The following DRC9 variants were observed in gnomAD, a reference collection of about 807,000 sequenced individuals.
DRC9 encodes dynein regulatory complex subunit 9, also known as dynein regulatory complex protein 9.
At chr3:197,950,966 C>A in the DRC9 span, 1 of 1,613,970 alleles carries the variant, frequency 6.2e-7, no homozygotes, top group Non-Finnish European at 8.5e-7. Flanking sequence ...CTAAAAGGAA[C>A]TATGTCTGGA....
At chr3:197,907,587 GGTGT>G in the DRC9 span, among the ~76,000 whole-genome samples, 1 of 152,184 alleles carries the variant, frequency 6.6e-6, no homozygotes. Flanking sequence ...CCATTCTTTT[GGTGT>G]GTAAGTGATT....
At chr3:197,928,963 G>A in the DRC9 span, among the ~76,000 whole-genome samples, 1 of 152,212 alleles carries the variant, frequency 6.6e-6, no homozygotes, top group Admixed American at 6.5e-5. Flanking sequence ...TGGCAAAGGA[G>A]CAGGATGACC....
the DRC9 span, chr3:197,954,356 C>A: frequency 0.052 from 31,399 of 602,446 alleles, 1,024 homozygotes; most frequent in South Asian, 0.087. Flanking sequence ...TGGGGGGAGA[C>A]AGGGTCTCAC....
chr3:197,930,709 C>G, the DRC9 span, among the ~76,000 whole-genome samples: 2 of 144,894 alleles, frequency 1.4e-5, no homozygotes, highest in African/African-American at 5.2e-5. Flanking sequence ...CACTTTGGCC[C>G]GGGAGGCAGA....
chr3:197,957,810 GT>G, the DRC9 span: 1 of 152,370 alleles, frequency 6.6e-6, no homozygotes, highest in South Asian at 2.1e-4. Context: ...GATGTGATCA[GT>G]AGTACTCGGG....
chr3:197,943,919 T>G, the DRC9 span: 1 of 1,614,172 alleles, frequency 6.2e-7, no homozygotes, highest in Non-Finnish European at 8.5e-7. Flanking sequence ...CCGGGATTTC[T>G]GGGATGATTT....
At chr3:197,945,712 T>A in the DRC9 span, 1 of 905,604 alleles carries the variant, frequency 1.1e-6, no homozygotes, top group Non-Finnish European at 1.8e-6. Flanking sequence ...AACACTGAGA[T>A]TAGTTTATGG....
chr3:197,897,647 A>G, the DRC9 span, among the ~76,000 whole-genome samples: 34 of 152,308 alleles, frequency 2.2e-4, no homozygotes, highest in African/African-American at 6.7e-4. Flanking sequence ...ACTAATAGAC[A>G]TTTATAAAAT....
the DRC9 span, among the ~76,000 whole-genome samples, chr3:197,909,035 G>A: frequency 2.0e-5 from 3 of 152,220 alleles, no homozygotes; most frequent in East Asian, 1.9e-4. Flanking sequence ...GGGTACTTCC[G>A]CTGCCAAGGG....
At chr3:197,925,882 CTA>C in the DRC9 span, 7 of 647,320 alleles carry the variant, frequency 1.1e-5, no homozygotes, top group African/African-American at 1.1e-4. Context: ...CCGTGCCCGG[CTA>C]TGTTTTCAAT....
the DRC9 span, chr3:197,913,577 C>G: frequency 2.5e-5 from 13 of 530,398 alleles, no homozygotes; most frequent in Non-Finnish European, 4.1e-5. Context: ...TTTGCCCTCT[C>G]CCTATAATTA....
At chr3:197,943,870 T>C in the DRC9 span, 9 of 1,613,732 alleles carry the variant, frequency 5.6e-6, no homozygotes, top group Non-Finnish European at 7.6e-6. Context: ...ACTGCCGAGA[T>C]CCTCAGCACA....
chr3:197,939,563 C>T, the DRC9 span, among the ~76,000 whole-genome samples: 2 of 152,218 alleles, frequency 1.3e-5, no homozygotes, highest in Non-Finnish European at 2.9e-5. Context: ...CACGATGCAG[C>T]GACTACACAT....
At chr3:197,937,257 TTA>T in the DRC9 span, among the ~76,000 whole-genome samples, 1 of 152,118 alleles carries the variant, frequency 6.6e-6, no homozygotes, top group Admixed American at 6.6e-5. Context: ...CAACAAAACA[TTA>T]TGAGACAATG....
the DRC9 span, among the ~76,000 whole-genome samples, chr3:197,902,690 A>G: frequency 6.6e-6 from 1 of 152,034 alleles, no homozygotes; most frequent in Admixed American, 6.6e-5. Flanking sequence ...AAAAGGATAA[A>G]AGAAATGGAA....
At chr3:197,944,254 C>CTTTTTTTT in the DRC9 span, among the ~76,000 whole-genome samples, 1 of 144,084 alleles carries the variant, frequency 6.9e-6, no homozygotes, top group Non-Finnish European at 1.5e-5. Context: ...ACAACTTACT[C>CTTTTTTTT]TTTTTTTTTT....
the DRC9 span, among the ~76,000 whole-genome samples, chr3:197,955,069 G>A: frequency 6.6e-6 from 1 of 151,832 alleles, no homozygotes; most frequent in Admixed American, 6.6e-5. Flanking sequence ...CAAATAGTTC[G>A]TACTTTTTCT....
chr3:197,918,842 C>T, the DRC9 span, among the ~76,000 whole-genome samples: 34 of 152,056 alleles, frequency 2.2e-4, no homozygotes, highest in Non-Finnish European at 4.7e-4. Flanking sequence ...GAGTTTTGCT[C>T]TTGTCGTCCA....
At chr3:197,910,169 G>A in the DRC9 span, among the ~76,000 whole-genome samples, 1 of 152,012 alleles carries the variant, frequency 6.6e-6, no homozygotes, top group Non-Finnish European at 1.5e-5. Flanking sequence ...ACGTGGTGGT[G>A]CACACCTGTA....
Sources: gnomAD v4.1 joint callset for allele counts (sites outside exome capture counted in the v4.1 genomes callset) on GRCh38, gnomAD v4.1.1 for gene constraint, MANE v1.5 for transcripts, NCBI Gene and HGNC (gene_info 2026-07-23, HGNC 2026-07-21) for gene names.